ADCY9: variants seen among roughly 807,000 people sequenced by gnomAD.
ADCY9 encodes the protein adenylate cyclase type 9.
A neutral mutation model predicts 101.5 loss-of-function variants in ADCY9; 50 were observed. The observed-to-expected ratio is 0.49, with a 90% confidence interval of 0.39 to 0.62. ADCY9 has a LOEUF of 0.62. Among genes scored for constraint, ADCY9 ranks in the 20% least tolerant of loss-of-function variants. The probability of loss-of-function intolerance (pLI) is 0.00; values close to 1 mark genes in which losing one functional copy is unlikely to be tolerated. For synonymous variants in ADCY9, 905 were observed against 769.3 expected, an observed-to-expected ratio of 1.18 and a Z score of -2.92; for missense variants, 1,662 against 1,800.4, an observed-to-expected ratio of 0.92 and a Z score of 1.39.
Position 4,115,588 on chromosome 16 carries a change from C to G in ADCY9, c.-44+102G>C. The G allele has an allele frequency of 2.1e-6, 2 of 964,726 alleles. No individual in the cohort carries two copies. Among genetic ancestry groups the G allele is most frequent in the Non-Finnish European group, 3.0e-6 (2 of 671,142 alleles). 59.8% of individuals were successfully genotyped at this position (964,726 alleles called of 1,614,324 possible). ...CTAAGGGGCGGCTCCAGCACGCGAC[C>G]TGGACAGGCACCATCTGTTCCTGTG... On this transcript the variant is annotated intron_variant, in intron 1 of 10. Coordinates refer to ENST00000294016, the MANE Select transcript of ADCY9 (RefSeq NM_001116.4). This position sits in a 1 kb window ranked among gnomAD's most constrained non-coding sequence, Gnocchi z 6.2.
chr16:4,114,606 C>T lies in ADCY9; in HGVS notation c.837G>A (p.Trp279Ter). ...GGAGCAGCCCCCTGCTCAGCAGCTC[C>T]CAGTGCAGGGCCCCGGCTCCGGGCG... is the stretch of plus-strand genomic sequence containing the variant. ...FPSPGAGALHWELLSRGLLHG... is the reference protein window; with the variant it reads ...FPSPGAGALH Residue 279 changes from tryptophan (W) to a stop codon, truncating the protein, a stop_gained, in exon 2 of 11, where the codon TGG (tryptophan) becomes TGA (stop). Coordinates refer to ENST00000294016, the MANE Select transcript of ADCY9 (RefSeq NM_001116.4). LOFTEE classifies it high-confidence loss of function. The surrounding 1 kb of genome is among the most constrained non-coding windows in gnomAD (Gnocchi z 4.3). 1 of 1,613,810 alleles carries T rather than the reference C, an allele frequency of 6.2e-7. No individual in the cohort carries two copies. The highest frequency in any genetic ancestry group is 1.1e-5 in the South Asian group (1 of 91,084).
At chr16:3,987,225 C>G (rs1452794316) in intron 6 of ADCY9, among the ~76,000 whole-genome samples, 1 of 152,224 alleles carries the variant, frequency 6.6e-6, no homozygotes, top group Non-Finnish European at 1.5e-5. Context: ...AGACCTCCAG[C>G]TCCGGATGTT....
intron 2 of ADCY9, among the ~76,000 whole-genome samples, chr16:4,103,545 A>G (rs1406580712): frequency 6.6e-6 from 1 of 152,168 alleles, no homozygotes; most frequent in Non-Finnish European, 1.5e-5. Flanking sequence ...AATGTCCCTG[A>G]TGGGCCGGGC....
chr16:3,989,084 A>G lies in ADCY9; in HGVS notation c.2220T>C (p.Asp740=). The G allele has an allele frequency of 6.2e-7, 1 of 1,613,528 alleles. No homozygotes were observed. The highest frequency in any genetic ancestry group is 1.1e-5 in the South Asian group (1 of 91,070). The part of the protein sequence containing the change: ...DVIKEDSLMK[D]YFFKPPINQF... ...GATTAATGGGCGGCTTAAAAAAGTA[A>G]TCTTTCATCAGGCTAGAAGACACAA... is the stretch of plus-strand genomic sequence containing the variant. Residue 740 remains aspartate (D), a synonymous_variant, in exon 6 of 11, where the codon GAT becomes GAC. Coordinates refer to ENST00000294016, the MANE Select transcript of ADCY9 (RefSeq NM_001116.4).
intron 7 of ADCY9, among the ~76,000 whole-genome samples, chr16:3,980,588 C>T (rs1339830675): frequency 1.3e-5 from 2 of 152,020 alleles, no homozygotes; most frequent in East Asian, 3.9e-4. Context: ...TGAACACCTA[C>T]CATGCCTCTC....
At chr16:3,989,925 T>C (rs886321664) in intron 5 of ADCY9, among the ~76,000 whole-genome samples, 1 of 152,248 alleles carries the variant, frequency 6.6e-6, no homozygotes, top group Non-Finnish European at 1.5e-5. Context: ...AGCGTAATTT[T>C]GGTGCTATTG....
intron 10 of ADCY9, among the ~76,000 whole-genome samples, chr16:3,968,546 G>A (rs562511268): frequency 3.9e-5 from 6 of 152,252 alleles, no homozygotes; most frequent in African/African-American, 1.4e-4. Flanking sequence ...CCCTGATTCT[G>A]GGTTAGTTCT....
intron 2 of ADCY9, among the ~76,000 whole-genome samples, chr16:4,053,803 G>A (rs1350073127): frequency 2.0e-5 from 3 of 152,010 alleles, no homozygotes; most frequent in Admixed American, 6.5e-5. Context: ...TATTTGCCTC[G>A]GAGAGCTCCC....
At chr16:4,037,352 T>C (rs898942107) in intron 2 of ADCY9, among the ~76,000 whole-genome samples, 7 of 152,122 alleles carry the variant, frequency 4.6e-5, no homozygotes, top group Non-Finnish European at 8.8e-5. Context: ...ATAATAATAA[T>C]GACCTTCAGT....
intron 7 of ADCY9, among the ~76,000 whole-genome samples, chr16:3,980,994 T>A (rs574008596): frequency 1.3e-5 from 2 of 152,154 alleles, no homozygotes; most frequent in Non-Finnish European, 2.9e-5. Context: ...CTGGCTTTCC[T>A]CCTGTACAGG....
chr16:4,081,830 A>G (rs1597213925), intron 2 of ADCY9, among the ~76,000 whole-genome samples: 1 of 70,536 alleles, frequency 1.4e-5, no homozygotes, highest in Non-Finnish European at 2.7e-5. Flanking sequence ...GCAGGGGAGG[A>G]GGGCGCTGTG....
chr16:3,957,637 G>A (rs1291453063), intron 5 of ADCY9, among the ~76,000 whole-genome samples: 1 of 152,036 alleles, frequency 6.6e-6, no homozygotes, highest in Non-Finnish European at 1.5e-5. Context: ...GCTGAGACCC[G>A]AGGGTTCCCA....
chr16:4,087,279 C>T (rs1488422855), intron 2 of ADCY9, among the ~76,000 whole-genome samples: 1 of 151,860 alleles, frequency 6.6e-6, no homozygotes, highest in Non-Finnish European at 1.5e-5. Context: ...TCACGTCTGT[C>T]ATCCCAGCAC....
intron 2 of ADCY9, among the ~76,000 whole-genome samples, chr16:4,047,162 A>C (rs2141144736): frequency 6.6e-6 from 1 of 152,332 alleles, no homozygotes; most frequent in East Asian, 1.9e-4. Context: ...TCTAAACTAC[A>C]AAGTATCTTT....
chr16:4,068,707 C>G (rs549520966), intron 2 of ADCY9, among the ~76,000 whole-genome samples: 1 of 151,962 alleles, frequency 6.6e-6, no homozygotes. Flanking sequence ...GTCCCAGCTA[C>G]TCAGGAGGCT....
At chr16:4,103,450 G>A (rs2057056717) in intron 2 of ADCY9, among the ~76,000 whole-genome samples, 1 of 152,250 alleles carries the variant, frequency 6.6e-6, no homozygotes, top group African/African-American at 2.4e-5. Context: ...AGGTCCCGAT[G>A]CAGGGAAACC....
chr16:4,059,379 G>GCAAA (rs34159566), intron 2 of ADCY9, among the ~76,000 whole-genome samples: 5 of 118,464 alleles, frequency 4.2e-5, no homozygotes, highest in African/African-American at 6.4e-5. Flanking sequence ...AGAATCCATC[G>GCAAA]AAAAAAAAAA....
intron 2 of ADCY9, among the ~76,000 whole-genome samples, chr16:4,055,981 G>A (rs2056735226): frequency 6.6e-6 from 1 of 152,168 alleles, no homozygotes; most frequent in African/African-American, 2.4e-5. Context: ...GTGACTGCGC[G>A]TCTCTGGCAA....
intron 2 of ADCY9, among the ~76,000 whole-genome samples, chr16:4,059,594 G>A (rs2056762061): frequency 6.6e-6 from 1 of 151,980 alleles, no homozygotes; most frequent in South Asian, 2.1e-4. Context: ...ATTGAAAAAT[G>A]TTTATTCAAG....
Sources: gnomAD v4.1 joint callset for allele counts (sites outside exome capture counted in the v4.1 genomes callset) on GRCh38, gnomAD v4.1.1 for gene constraint, Gnocchi (gnomAD v3.1) non-coding constraint, MANE v1.5 for transcripts, NCBI Gene and HGNC (gene_info 2026-07-23, HGNC 2026-07-21) for gene names.